GALNT17: variants seen among roughly 807,000 people sequenced by gnomAD.
GALNT17 encodes the protein UDP-GalNAc:polypeptide N-acetylgalactosaminyltransferase-like 3.
Under a neutral mutation model 63.7 loss-of-function variants are expected in GALNT17, and 29 were observed. That is an observed-to-expected ratio of 0.46 (90% confidence interval 0.34 to 0.62). GALNT17 has a LOEUF of 0.62. GALNT17 is among the 20% of genes least tolerant of loss of function. The pLI is 0.01. For synonymous variants in GALNT17, 305 were observed against 318.3 expected (o/e 0.96, Z 0.45); for missense variants, 603 against 799.6 (o/e 0.75, Z 2.97).
Position 71,355,256 on chromosome 7 carries a change from C to T in GALNT17, c.422+19523C>T, listed in dbSNP as rs572770796. 1.8e-4 allele frequency among the ~76,000 whole-genome samples: 27 copies of T among 151,918 alleles called. No individual in the cohort carries two copies. In the East Asian group the frequency reaches 2.1e-3, roughly 12 times the overall value. ...TTTTGACTTACTTTGTTGTTGTTTTCCTTTCTGAAAAGCATTCTAAGTTGG... is the reference window on the plus strand; with the variant it reads ...TTTTGACTTACTTTGTTGTTGTTTTTCTTTCTGAAAAGCATTCTAAGTTGG... On this transcript the variant is annotated intron_variant, in intron 2 of 10. Coordinates refer to ENST00000333538, the MANE Select transcript of GALNT17 (RefSeq NM_022479.3).
At chr7:71,442,980 G>A (rs1247596698) in intron 5 of GALNT17, among the ~76,000 whole-genome samples, 2 of 152,132 alleles carry the variant, frequency 1.3e-5, no homozygotes, top group Admixed American at 1.3e-4. Flanking sequence ...GGAGAGAAAT[G>A]TTTCTTGAGT....
chr7:71,196,245 C>T (rs886933073), intron 1 of GALNT17, among the ~76,000 whole-genome samples: 1 of 151,862 alleles, frequency 6.6e-6, no homozygotes, highest in Non-Finnish European at 1.5e-5. Flanking sequence ...TCAAGCAATT[C>T]CCCTGCCTCA....
chr7:71,350,647 G>C (rs917642941), intron 2 of GALNT17, among the ~76,000 whole-genome samples: 1 of 152,142 alleles, frequency 6.6e-6, no homozygotes, highest in African/African-American at 2.4e-5. Flanking sequence ...CAGGAGATGT[G>C]AGTAGGTTAT....
chr7:71,304,754 CTT>C (rs549137032), intron 1 of GALNT17, among the ~76,000 whole-genome samples: 2 of 145,224 alleles, frequency 1.4e-5, no homozygotes. Flanking sequence ...TTTCTTTTTT[CTT>C]TTTTTTTTTT....
chr7:71,153,191 G>C (rs1788164826), intron 1 of GALNT17, among the ~76,000 whole-genome samples: 1 of 152,058 alleles, frequency 6.6e-6, no homozygotes, highest in South Asian at 2.1e-4. Context: ...CTGGGGCTTT[G>C]GAAAAAATCA....
rs372236829 is a variant in GALNT17, at chr7:71,227,534, GT to G, written c.238+94499del. Among the ~76,000 whole-genome samples, 272 of 152,118 alleles carry G rather than the reference GT, an allele frequency of 1.8e-3. 1 individual carries two copies. The highest frequency in any genetic ancestry group is 6.3e-3 in the African/African-American group (260 of 41,498). On this transcript the variant is annotated intron_variant, in intron 1 of 10. Coordinates refer to ENST00000333538, the MANE Select transcript of GALNT17 (RefSeq NM_022479.3). ...GGACACACAATTTGGATGCCTAGGG[GT>G]TTTTCATAAGCCATGATTATGTTTT...
chr7:71,144,708 G>A (rs955833594), intron 1 of GALNT17, among the ~76,000 whole-genome samples: 2 of 151,862 alleles, frequency 1.3e-5, no homozygotes, highest in Non-Finnish European at 2.9e-5. Context: ...CCTCAAATCC[G>A]TCTCCTGAAG....
intron 1 of GALNT17, among the ~76,000 whole-genome samples, chr7:71,207,671 C>A (rs1789298959): frequency 6.6e-6 from 1 of 152,084 alleles, no homozygotes; most frequent in Non-Finnish European, 1.5e-5. Context: ...GTGTCACTCG[C>A]ACCTGGAATT....
intron 6 of GALNT17, among the ~76,000 whole-genome samples, chr7:71,622,960 C>T (rs568477161): frequency 8.5e-5 from 13 of 152,290 alleles, no homozygotes; most frequent in African/African-American, 3.1e-4. Flanking sequence ...CTCACCATCC[C>T]CTCTGGACTC....
At chr7:71,242,042 C>G (rs1359412478) in intron 1 of GALNT17, among the ~76,000 whole-genome samples, 1 of 151,952 alleles carries the variant, frequency 6.6e-6, no homozygotes, top group Non-Finnish European at 1.5e-5. Flanking sequence ...GAAGGGCAGC[C>G]TGCATGTCAC....
At chr7:71,506,544 G>A (rs1788272294) in intron 5 of GALNT17, among the ~76,000 whole-genome samples, 1 of 152,138 alleles carries the variant, frequency 6.6e-6, no homozygotes, top group Non-Finnish European at 1.5e-5. Context: ...TGGGATTACA[G>A]GCGTGAGCTA....
In GALNT17 at chr7:71,196,088, C is replaced by G. The variant is rs1335659044; in HGVS notation, c.238+63048C>G. ...GCACGCAGTCTCCTCCAGACCTCCT[C>G]CCATGTGCCTGTTCCCTCTCTTGCT... On this transcript the variant is annotated intron_variant, in intron 1 of 10. Transcript: ENST00000333538. Among the ~76,000 whole-genome samples, 4 of 152,184 alleles carry G rather than the reference C, an allele frequency of 2.6e-5. No individual in the cohort carries two copies. In the East Asian group the frequency reaches 7.7e-4, roughly 29 times the overall value.
chr7:71,382,012 G>T (rs924551922), intron 2 of GALNT17, among the ~76,000 whole-genome samples: 3 of 152,156 alleles, frequency 2.0e-5, no homozygotes, highest in African/African-American at 4.8e-5. Flanking sequence ...GGCAGAGCCT[G>T]GTTGAAGGAA....
rs58429873 is a variant in GALNT17 at position 71,331,601 on chromosome 7, C to T, written c.239-3949C>T. 3.0e-3 allele frequency among the ~76,000 whole-genome samples: 456 copies of T among 152,114 alleles called. 15 individuals are homozygous for T. The East Asian group carries it at 0.064, about 21-fold the overall frequency. On this transcript the variant is annotated intron_variant, in intron 1 of 10. Transcript: ENST00000333538. ...TGTCACGCACCTGTAATTTCAGGTA[C>T]TTGGGAGGCCGAGGCAGGAGGATTG...
At chr7:71,614,299 C>T (rs1013192731) in intron 6 of GALNT17, among the ~76,000 whole-genome samples, 3 of 152,000 alleles carry the variant, frequency 2.0e-5, no homozygotes, top group African/African-American at 7.3e-5. Flanking sequence ...AGATATGACT[C>T]AAAGAAATGC....
intron 1 of GALNT17, among the ~76,000 whole-genome samples, chr7:71,291,448 A>G (rs1299010416): frequency 6.6e-6 from 1 of 152,124 alleles, no homozygotes; most frequent in Non-Finnish European, 1.5e-5. Context: ...ATGATAGCTA[A>G]ATCTTGGTCT....
At position 71,402,710 on chromosome 7, in the gene GALNT17, G is replaced by T. The variant is rs562611518; in HGVS notation, c.590-13179G>T. Among the ~76,000 whole-genome samples the T allele has an allele frequency of 3.6e-5, 5 of 139,920 alleles. No homozygotes were observed. In the South Asian group the frequency reaches 1.0e-3, roughly 29 times the overall value. The allele number at this position is 139,920 out of a possible 152,430, so 91.8% of individuals were successfully genotyped here. A position where few individuals can be genotyped will look rare whatever the true frequency, so the allele number is the denominator to read the frequency against. ...GGCTGAAAACTTTTTGGAGTGGAAGGTTATACCCTCTGCACTTCCAAAAGG... is the reference window on the plus strand; with the variant it reads ...GGCTGAAAACTTTTTGGAGTGGAAGTTTATACCCTCTGCACTTCCAAAAGG... On this transcript the variant is annotated intron_variant, in intron 3 of 10. Transcript: ENST00000333538.
intron 1 of GALNT17, among the ~76,000 whole-genome samples, chr7:71,235,978 G>A (rs924794243): frequency 2.6e-5 from 4 of 152,136 alleles, no homozygotes; most frequent in Non-Finnish European, 5.9e-5. Context: ...TCAGGAGTTC[G>A]AGACCAGGCT....
chr7:71,285,408 G>A (rs1790855310), intron 1 of GALNT17, among the ~76,000 whole-genome samples: 1 of 152,128 alleles, frequency 6.6e-6, no homozygotes, highest in African/African-American at 2.4e-5. Context: ...AAATTTTTAG[G>A]ATTGTTGTAA....
Sources: gnomAD v4.1 joint callset for allele counts (sites outside exome capture counted in the v4.1 genomes callset) on GRCh38, gnomAD v4.1.1 for gene constraint, MANE v1.5 for transcripts, NCBI Gene and HGNC (gene_info 2026-07-23, HGNC 2026-07-21) for gene names.